The following STT3A variants were observed in gnomAD, a reference collection of about 807,000 sequenced individuals.
The protein encoded by STT3A is STT3 oligosaccharyltransferase complex catalytic subunit A, also known as dolichyl-diphosphooligosaccharide--protein glycosyltransferase subunit STT3A.
STT3A carries 34 observed loss-of-function variants against 89.2 expected under a neutral mutation model. That is an observed-to-expected ratio of 0.38 (90% confidence interval 0.29 to 0.51). The LOEUF is 0.51. Among genes scored for constraint, STT3A ranks in the 20% least tolerant of loss-of-function variants. STT3A has a pLI of 0.89. For synonymous variants in STT3A, 282 were observed against 310.3 expected, an observed-to-expected ratio of 0.91 and a Z score of 0.96; for missense variants, 555 against 889.5, an observed-to-expected ratio of 0.62 and a Z score of 4.78.
At chr11:125,620,225 T>A in intron 17 of STT3A, 99 bp downstream of exon 17, 1 of 904,454 alleles carries the variant, frequency 1.1e-6, no homozygotes. Context: ...TAGGGAAATT[T>A]CTCATGACAC....
At position 125,611,414 on chromosome 11, in the gene STT3A, T is replaced by C; in HGVS notation, c.1118-14T>C. The C allele has an allele frequency of 6.2e-7, 1 of 1,610,598 alleles. No homozygotes were observed. The highest frequency in any genetic ancestry group is 1.1e-5 in the South Asian group (1 of 90,974). On this transcript the variant is annotated splice_polypyrimidine_tract_variant and intron_variant, in intron 10 of 17. Transcript: ENST00000392708. ...CAGGACTCAGCTGCTTATTTCTCCT[T>C]CCCTCTTTTGTAGTTGGCCTCTATT...
At position 125,611,333 on chromosome 11, in the gene STT3A, G is replaced by A. The variant is rs915139346; in HGVS notation, c.1118-95G>A. 6 of 904,952 alleles carry A rather than the reference G, an allele frequency of 6.6e-6. No homozygotes were observed. The Admixed American group carries it at 1.3e-4, about 20-fold the overall frequency. 56.1% of individuals were successfully genotyped at this position (904,952 alleles called of 1,614,324 possible). On this transcript the variant is annotated intron_variant, in intron 10 of 17. Transcript: ENST00000392708. ...TGGAAGTGGAATTGCTGGGTTAAATGTGTGGAATCATCCAGTCATATAATG... is the reference window on the plus strand; with the variant it reads ...TGGAAGTGGAATTGCTGGGTTAAATATGTGGAATCATCCAGTCATATAATG...
In STT3A at chr11:125,608,308, T is replaced by A. The variant is rs551061491; in HGVS notation, c.961+19T>A. ...CTGACAGGTAGGGAAGGCTCACAGC[T>A]TTTTTCCTTTTTTCTTTTTTTTTAA... On this transcript the variant is annotated intron_variant, in intron 9 of 17. Transcript: ENST00000392708. The A allele has an allele frequency of 3.2e-6, 5 of 1,563,474 alleles. No homozygotes were observed. Among genetic ancestry groups the A allele is most frequent in the South Asian group, 1.2e-5 (1 of 82,164 alleles).
At chr11:125,594,650 GTGCT>G (rs1415896641) in intron 1 of STT3A, among the ~76,000 whole-genome samples, 1 of 150,766 alleles carries the variant, frequency 6.6e-6, no homozygotes, top group Non-Finnish European at 1.5e-5. Context: ...TGGTAGATTA[GTGCT>G]ATATTGCTAT....
At chr11:125,596,743 G>T (rs1939511795) in intron 2 of STT3A, among the ~76,000 whole-genome samples, 1 of 152,154 alleles carries the variant, frequency 6.6e-6, no homozygotes, top group African/African-American at 2.4e-5. Context: ...ATGTGTGTAT[G>T]GTGGGGGAGT....
intron 3 of STT3A, 64 bp downstream of exon 3, chr11:125,597,183 G>C (rs373498147): frequency 2.1e-5 from 32 of 1,559,888 alleles, no homozygotes; most frequent in South Asian, 6.7e-5. Flanking sequence ...ATGGGTTTCA[G>C]ATTCAAATTT....
At chr11:125,596,967 C>G in intron 2 of STT3A, 92 bp from the exon 3 acceptor site, 1 of 1,358,786 alleles carries the variant, frequency 7.4e-7, no homozygotes, top group Non-Finnish European at 1.1e-6. Context: ...TGTGACCTCT[C>G]TACTGGATAA....
chr11:125,619,575 G>C (rs1349487203), intron 16 of STT3A, among the ~76,000 whole-genome samples: 1 of 152,162 alleles, frequency 6.6e-6, no homozygotes, highest in East Asian at 1.9e-4. Flanking sequence ...TGACTACATT[G>C]AGAGTTATTT....
intron 1 of STT3A, 153 bp downstream of exon 1, chr11:125,593,071 G>C (rs978366056): frequency 6.5e-6 from 1 of 154,410 alleles, no homozygotes; most frequent in African/African-American, 2.4e-5. Flanking sequence ...GGCGTGGTGT[G>C]GGGGCTTCCT....
intron 15 of STT3A, 97 bp from the exon 16 acceptor site, chr11:125,618,256 GTTAAATGATACCAATCCCCA>G: frequency 1.0e-6 from 1 of 958,446 alleles, no homozygotes; most frequent in Non-Finnish European, 1.5e-6. Flanking sequence ...ACAAATTAGA[GTTAAATGATACCAATCCCCA>G]TTAAAAAAAT....
In STT3A at chr11:125,609,552, C is replaced by A. The variant is rs1461562886; in HGVS notation, c.1080C>A (p.Tyr360Ter). Residue 360 changes from tyrosine (Y) to a stop codon, truncating the protein, a stop_gained, in exon 10 of 18, where the codon TAC (tyrosine) becomes TAA (stop). Transcript: ENST00000392708. LOFTEE classifies it high-confidence loss of function. ...ATCAGCCCACAACCTGGTCCTCATA[C>A]TATTTTGACCTGCAGCTCCTCGTCT... ...SEHQPTTWSS[Y>*]YFDLQLLVFM... is the part of the protein sequence containing the mutation. The A allele has an allele frequency of 6.2e-7, 1 of 1,613,986 alleles. No individual in the cohort carries two copies. Among genetic ancestry groups the A allele is most frequent in the Non-Finnish European group, 8.5e-7 (1 of 1,179,988 alleles).
chr11:125,617,305 C>G (rs1229449096), intron 15 of STT3A, among the ~76,000 whole-genome samples: 3 of 151,988 alleles, frequency 2.0e-5, no homozygotes, highest in Non-Finnish European at 2.9e-5. Flanking sequence ...TCTTATTTTT[C>G]TAATTTGACA....
At chr11:125,616,970 A>G (rs990781739) in intron 15 of STT3A, among the ~76,000 whole-genome samples, 1 of 152,108 alleles carries the variant, frequency 6.6e-6, no homozygotes, top group African/African-American at 2.4e-5. Context: ...GAGCCATCAC[A>G]CCCAGCCATT....
At chr11:125,595,811 A>G (rs1283536468) in intron 1 of STT3A, 70 bp from the exon 2 acceptor site, 4 of 782,944 alleles carry the variant, frequency 5.1e-6, no homozygotes, top group Admixed American at 2.1e-5. Flanking sequence ...ATTCCCTCTC[A>G]TCATAAAATA....
At chr11:125,592,557 G>A (rs577852517), upstream of STT3A, 6 of 448,986 alleles carry the variant, frequency 1.3e-5, no homozygotes, top group Non-Finnish European at 1.8e-5. Context: ...ACTCCCCGTG[G>A]GTCCGCAAAC....
Position 125,611,482 on chromosome 11 carries a change from T to C in STT3A, c.1172T>C (p.Met391Thr). The C allele has an allele frequency of 6.2e-7, 1 of 1,614,056 alleles. No individual in the cohort carries two copies. Reference sequence around the variant, plus strand: ...TCTGATGCCCGGATTTTTATCATCATGTATGGTGTGACCAGCATGTACTTT... The same window carrying C: ...TCTGATGCCCGGATTTTTATCATCACGTATGGTGTGACCAGCATGTACTTT... ...NLSDARIFIIMYGVTSMYFSA... is the reference protein window; with the variant it reads ...NLSDARIFIITYGVTSMYFSA... The change falls in exon 11 of 18, where the codon ATG becomes ACG. Residue 391 changes from methionine (M) to threonine (T), a missense_variant. Met to Thr is a moderately conservative substitution (Grantham distance 81, BLOSUM62 -1). This residue lies in a region of STT3A where 273 missense variants were observed against 449.8 expected (regional missense o/e 0.61). Transcript: ENST00000392708.
rs760218961 is a variant in STT3A, at chr11:125,595,890, G to A, written c.-26G>A. The A allele has an allele frequency of 1.1e-5, 17 of 1,505,436 alleles. No individual in the cohort carries two copies. Among genetic ancestry groups the A allele is most frequent in the East Asian group, 2.3e-5 (1 of 44,350 alleles). 93.3% of individuals were successfully genotyped at this position (1,505,436 alleles called of 1,614,324 possible). A position where few individuals can be genotyped will look rare whatever the true frequency, so the allele number is the denominator to read the frequency against. On this transcript the variant is annotated 5_prime_UTR_variant, in exon 2 of 18. The change creates a new upstream start codon in the 5' untranslated region. Transcript: ENST00000392708. The stretch of plus-strand genomic sequence containing the variant: ...GACTTTTTCATTTTAGCTGATCGTC[G>A]TGTGTTGCCACCCATTCATGTCAAG...
rs3842258 is a variant in STT3A, at chr11:125,618,111, A to AATCT, written c.1775-259_1775-256dup. Among the ~76,000 whole-genome samples, 19,618 of 152,214 alleles carry AATCT rather than the reference A, an allele frequency of 0.13. 1,745 individuals are homozygous for AATCT. Among genetic ancestry groups the AATCT allele is most frequent in the Admixed American group, 0.29 (4,434 of 15,256 alleles). Reference sequence around the variant, plus strand: ...TATATTTGATAGCCTAGCCCTAGCTAATCTATAGGACCAATCTCAGTTGTG... The same window carrying AATCT: ...TATATTTGATAGCCTAGCCCTAGCTAATCTATCTATAGGACCAATCTCAGTTGTG... On this transcript the variant is annotated intron_variant, in intron 15 of 17. Coordinates refer to ENST00000392708, the MANE Select transcript of STT3A (RefSeq NM_152713.5).
rs971502189 is a variant in STT3A at position 125,615,820 on chromosome 11, T to A, written c.1774+1394T>A. Among the ~76,000 whole-genome samples, 10 of 152,300 alleles carry A rather than the reference T, an allele frequency of 6.6e-5. No individual in the cohort carries two copies. In the East Asian group the frequency reaches 1.4e-3, roughly 21 times the overall value. On this transcript the variant is annotated intron_variant, in intron 15 of 17. Coordinates refer to ENST00000392708, the MANE Select transcript of STT3A (RefSeq NM_152713.5). ...AATCTGAGCACTTTGGGAAGACTCT[T>A]GAGGTCAGGAGTTTGAGACCAGCCT...
Sources: gnomAD v4.1 joint callset for allele counts (sites outside exome capture counted in the v4.1 genomes callset) on GRCh38, gnomAD v4.1.1 for gene constraint, gnomAD v4.1.1 regional missense constraint, MANE v1.5 for transcripts, NCBI Gene and HGNC (gene_info 2026-07-23, HGNC 2026-07-21) for gene names.